Variants in YIPF7 observed in about 807,000 individuals in gnomAD.
YIPF7 encodes protein YIPF7.
YIPF7 carries 35 observed loss-of-function variants against 27.2 expected under a neutral mutation model. That is an observed-to-expected ratio of 1.29 (90% confidence interval 0.98 to 1.70). The LOEUF (loss-of-function observed/expected upper bound fraction) is 1.70, where lower values mean the gene tolerates loss of function less well. Among genes scored for constraint, YIPF7 ranks in the 40% most tolerant of loss-of-function variants. The pLI is 0.00. For missense variants in YIPF7, 358 were observed against 303.7 expected, an observed-to-expected ratio of 1.18 and a Z score of -1.33; for synonymous variants, 137 against 110.4, an observed-to-expected ratio of 1.24 and a Z score of -1.51.
chr4:44,659,987 G>C (rs1713999830), intron 2 of YIPF7, among the ~76,000 whole-genome samples: 1 of 151,572 alleles, frequency 6.6e-6, no homozygotes, highest in African/African-American at 2.4e-5. Context: ...GGTGGCGGCT[G>C]CCTGTAGTCC....
intron 2 of YIPF7, among the ~76,000 whole-genome samples, chr4:44,638,426 G>A (rs1233546037): frequency 2.7e-5 from 4 of 149,922 alleles, no homozygotes; most frequent in Non-Finnish European, 5.9e-5. Flanking sequence ...CTCAAAAGAA[G>A]ATATACAAAT....
At chr4:44,652,975 A>G (rs928559073), upstream of YIPF7, among the ~76,000 whole-genome samples, 6 of 152,104 alleles carry the variant, frequency 3.9e-5, no homozygotes, top group African/African-American at 1.4e-4. Flanking sequence ...TATACAATAG[A>G]ATATACTGTT....
At position 44,651,599 on chromosome 4, in the gene YIPF7, G is replaced by T. The variant is rs762028232; in HGVS notation, c.-47C>A. On this transcript the variant is annotated 5_prime_UTR_variant, in exon 1 of 6. Transcript: ENST00000415895. Reference sequence around the variant, plus strand: ...AAGATCCTCCAGTAAATGTAGCTTTGTGTGAGAAATTTTAAGCAAATCCAT... The same window carrying T: ...AAGATCCTCCAGTAAATGTAGCTTTTTGTGAGAAATTTTAAGCAAATCCAT... 5 of 1,588,630 alleles carry T rather than the reference G, an allele frequency of 3.1e-6. No homozygotes were observed. In the African/African-American group the frequency reaches 5.4e-5, roughly 17 times the overall value.
At chr4:44,640,102 T>C (rs781164674) in intron 2 of YIPF7, among the ~76,000 whole-genome samples, 2 of 152,210 alleles carry the variant, frequency 1.3e-5, no homozygotes, top group Non-Finnish European at 2.9e-5. Flanking sequence ...TAGTATTTTG[T>C]TGAGGATATT....
intron 3 of YIPF7, among the ~76,000 whole-genome samples, chr4:44,629,931 A>C (rs1242033444): frequency 6.6e-6 from 1 of 152,192 alleles, no homozygotes; most frequent in Non-Finnish European, 1.5e-5. Flanking sequence ...CAAAACTTTC[A>C]TCCTATTGTC....
At chr4:44,651,290 T>C (rs994698486) in intron 1 of YIPF7, among the ~76,000 whole-genome samples, 3 of 152,216 alleles carry the variant, frequency 2.0e-5, no homozygotes, top group African/African-American at 7.2e-5. Context: ...AAAGTAGCTA[T>C]GAATTATGTA....
intron 4 of YIPF7, among the ~76,000 whole-genome samples, chr4:44,628,568 GACTGACTTAACCA>G (rs1270106868): frequency 6.6e-6 from 1 of 152,062 alleles, no homozygotes; most frequent in African/African-American, 2.4e-5. Flanking sequence ...ATACTTTTCA[GACTGACTTAACCA>G]TCTTTATCAT....
intron 2 of YIPF7, among the ~76,000 whole-genome samples, 187 bp downstream of exon 2, chr4:44,649,798 C>T (rs1713659341): frequency 1.3e-5 from 2 of 151,990 alleles, no homozygotes; most frequent in African/African-American, 4.8e-5. Flanking sequence ...CCTAAAGTTA[C>T]TTAAGTATAC....
In YIPF7 at chr4:44,622,501, T is replaced by G; in HGVS notation, c.684A>C (p.Ala228=). 2 of 1,613,944 alleles carry G rather than the reference T, an allele frequency of 1.2e-6. No individual in the cohort carries two copies. Among genetic ancestry groups the G allele is most frequent in the Non-Finnish European group, 1.7e-6 (2 of 1,179,850 alleles). ...CSLSASKIFI[A]ALHMEGQQLL... ...GCTGCTGTCCTTCCATGTGCAAGGC[T>G]GCAATGAAGATCTTGGAAGCTGAGA... The change falls in exon 6 of 6, where the codon GCA becomes GCC. Residue 228 remains alanine, a synonymous_variant. Transcript: ENST00000415895.
rs75798652 is a variant in YIPF7, at chr4:44,623,146, T to C, written c.609-570A>G. Among the ~76,000 whole-genome samples, 114 of 152,320 alleles carry C rather than the reference T, an allele frequency of 7.5e-4. 4 individuals carry two copies. The East Asian group carries it at 0.021, about 28-fold the overall frequency. On this transcript the variant is annotated intron_variant, in intron 5 of 5. Coordinates refer to ENST00000415895, the MANE Select transcript of YIPF7 (RefSeq NM_182592.3). ...CATCCTTGAAGTTCCATTTTGTATA[T>C]TTTTAGAATGCTGAAATAGATTTGT...
upstream of YIPF7, among the ~76,000 whole-genome samples, chr4:44,653,462 A>G (rs1271290757): frequency 6.6e-6 from 1 of 152,104 alleles, no homozygotes; most frequent in Non-Finnish European, 1.5e-5. Flanking sequence ...AAGTCATGGC[A>G]ACTGAGGAAA....
intron 3 of YIPF7, among the ~76,000 whole-genome samples, chr4:44,631,178 T>G (rs572266776): frequency 6.6e-6 from 1 of 152,316 alleles, no homozygotes; most frequent in East Asian, 1.9e-4. Flanking sequence ...CTGCACAATC[T>G]GACTCAAGAA....
upstream of YIPF7, among the ~76,000 whole-genome samples, chr4:44,652,772 C>A (rs1713773608): frequency 6.6e-6 from 1 of 152,148 alleles, no homozygotes; most frequent in African/African-American, 2.4e-5. Flanking sequence ...TAATGAATAA[C>A]TGGGCATTGT....
At position 44,636,069 on chromosome 4, in the gene YIPF7, G is replaced by A. The variant is rs1427528163; in HGVS notation, c.133C>T (p.Gln45Ter). The change falls in exon 3 of 6, where the codon CAG becomes TAG. Residue 45 changes from glutamine to a stop codon, truncating the protein, a stop_gained. Transcript: ENST00000415895. LOFTEE classifies it high-confidence loss of function. ...YGSRKQQAGE[Q>*]PQPASFVPSE... ...GGAACAAAGGAGGCAGGCTGAGGCTGCTCACCAGCTTGTTGTCTAGAAAAA... is the reference window on the plus strand; with the variant it reads ...GGAACAAAGGAGGCAGGCTGAGGCTACTCACCAGCTTGTTGTCTAGAAAAA... 6.2e-7 allele frequency: 1 copy of A among 1,609,014 alleles called. No individual in the cohort carries two copies.
At position 44,638,457 on chromosome 4, in the gene YIPF7, A is replaced by G. The variant is rs181089594; in HGVS notation, c.117-2372T>C. Among the ~76,000 whole-genome samples the G allele has an allele frequency of 2.0e-5, 3 of 151,488 alleles. No individual in the cohort carries two copies. The East Asian group carries it at 5.9e-4, about 30-fold the overall frequency. ...CAAATGACCAACAAACATATGAAAAAATGCTCAGCATCACTAATGATCAGG... is the reference window on the plus strand; with the variant it reads ...CAAATGACCAACAAACATATGAAAAGATGCTCAGCATCACTAATGATCAGG... On this transcript the variant is annotated intron_variant, in intron 2 of 5. Transcript: ENST00000415895.
At chr4:44,649,838 A>AT (rs1192196854) in intron 2 of YIPF7, 147 bp downstream of exon 2, 72 of 554,892 alleles carry the variant, frequency 1.3e-4, no homozygotes, top group Middle Eastern at 4.8e-4. Context: ...GCTTTCTTGG[A>AT]TTTTTTTTGT....
chr4:44,631,224 A>G (rs1427835329), intron 3 of YIPF7, among the ~76,000 whole-genome samples: 6 of 152,146 alleles, frequency 3.9e-5, no homozygotes, highest in Non-Finnish European at 7.4e-5. Context: ...GGTCAGGTCA[A>G]TGTTCATCTA....
At chr4:44,656,459 T>A (rs1469933327), upstream of YIPF7, among the ~76,000 whole-genome samples, 1 of 152,098 alleles carries the variant, frequency 6.6e-6, no homozygotes, top group African/African-American at 2.4e-5. Flanking sequence ...CATATCAAGA[T>A]TATTAATTAA....
chr4:44,640,825 C>A, intron 2 of YIPF7, among the ~76,000 whole-genome samples: 1 of 152,122 alleles, frequency 6.6e-6, no homozygotes, highest in South Asian at 2.1e-4. Flanking sequence ...GCCCCTAGTT[C>A]ACACCCCGGT....
Sources: allele counts gnomAD v4.1 joint callset (sites outside exome capture counted in the v4.1 genomes callset), GRCh38; gene constraint gnomAD v4.1.1; transcripts MANE v1.5; gene names NCBI Gene and HGNC (gene_info 2026-07-23, HGNC 2026-07-21).